The following CRY2 variants were observed in gnomAD, a reference collection of about 807,000 sequenced individuals.
CRY2 encodes cryptochrome-2.
A neutral mutation model predicts 69.5 loss-of-function variants in CRY2; 31 were observed. That is an observed-to-expected ratio of 0.45 (90% CI 0.34 to 0.60). CRY2 has a LOEUF of 0.60. Ranked by LOEUF, CRY2 falls within the 20% of genes least tolerant of loss-of-function variation. The pLI, the probability that CRY2 is intolerant of heterozygous loss-of-function variation, is 0.02. For synonymous variants in CRY2, 303 were observed against 312.2 expected (o/e 0.97, Z 0.31); for missense variants, 606 against 797.8 (o/e 0.76, Z 2.90).
chr11:45,853,897 G>A (rs1234336392), intron 1 of CRY2, among the ~76,000 whole-genome samples: 1 of 152,256 alleles, frequency 6.6e-6, no homozygotes, highest in Non-Finnish European at 1.5e-5. Context: ...GCATAAAGCA[G>A]CATTCAACCT....
At chr11:45,857,074 A>G (rs1179956507) in intron 2 of CRY2, among the ~76,000 whole-genome samples, 1 of 152,186 alleles carries the variant, frequency 6.6e-6, no homozygotes, top group Non-Finnish European at 1.5e-5. Context: ...AGACAAAAGG[A>G]AAAGTCATGT....
At chr11:45,859,348 T>C (rs1376286835) in intron 3 of CRY2, among the ~76,000 whole-genome samples, 1 of 93,484 alleles carries the variant, frequency 1.1e-5, no homozygotes, top group African/African-American at 2.9e-5. Context: ...ATCACATGAG[T>C]CCATGAGTTC....
In CRY2 at chr11:45,860,881, T is replaced by C. The variant is rs1165621816; in HGVS notation, c.501T>C (p.Leu167=). 6.8e-6 allele frequency: 11 copies of C among 1,614,152 alleles called. No homozygotes were observed. In the South Asian group the frequency reaches 1.2e-4, roughly 18 times the overall value. The change falls in exon 4 of 12, where the codon CTT becomes CTC. Residue 167 remains leucine, a synonymous_variant. Coordinates refer to ENST00000616080, the MANE Select transcript of CRY2 (RefSeq NM_021117.5). ...IIELNGQKPP[L]TYKRFQAIIS... ...AGCTGAATGGGCAGAAGCCACCCCT[T>C]ACATACAAGCGCTTTCAGGCCATCA... is the stretch of plus-strand genomic sequence containing the variant.
At chr11:45,868,359 T>C (rs564697385) in intron 6 of CRY2, among the ~76,000 whole-genome samples, 1 of 152,358 alleles carries the variant, frequency 6.6e-6, no homozygotes, top group South Asian at 2.1e-4. Context: ...CTGTTGTTTA[T>C]TTAAGAGACA....
At chr11:45,863,639 G>A (rs1172275888) in intron 5 of CRY2, among the ~76,000 whole-genome samples, 1 of 150,816 alleles carries the variant, frequency 6.6e-6, no homozygotes, top group Non-Finnish European at 1.5e-5. Context: ...GAAGGTATGT[G>A]CCTCTTTTCC....
intron 11 of CRY2, among the ~76,000 whole-genome samples, chr11:45,878,783 G>T (rs2086443603): frequency 6.6e-6 from 1 of 151,432 alleles, no homozygotes; most frequent in African/African-American, 2.4e-5. Flanking sequence ...ATTAGTTGTG[G>T]TGGCAGGTGT....
At chr11:45,871,523 A>G (rs1166628508) in intron 10 of CRY2, among the ~76,000 whole-genome samples, 1 of 152,076 alleles carries the variant, frequency 6.6e-6, no homozygotes, top group Admixed American at 6.5e-5. Context: ...TGCTGGGTGG[A>G]GATTGGACAG....
chr11:45,875,078 G>A (rs1000592868), intron 11 of CRY2, among the ~76,000 whole-genome samples: 1 of 152,232 alleles, frequency 6.6e-6, no homozygotes, highest in Non-Finnish European at 1.5e-5. Flanking sequence ...CATACTTGGA[G>A]AATCACTGAC....
chr11:45,877,751 T>G (rs2086434850), intron 11 of CRY2, among the ~76,000 whole-genome samples: 1 of 152,196 alleles, frequency 6.6e-6, no homozygotes, highest in African/African-American at 2.4e-5. Context: ...AAGACCTCAT[T>G]TGATTTCCCC....
At chr11:45,873,398 C>T (rs1565063855) in intron 11 of CRY2, among the ~76,000 whole-genome samples, 3 of 152,238 alleles carry the variant, frequency 2.0e-5, no homozygotes, top group African/African-American at 7.2e-5. Context: ...ATAGACATTG[C>T]TGATGGACAG....
At chr11:45,865,479 G>A (rs1189653921) in intron 5 of CRY2, among the ~76,000 whole-genome samples, 6 of 152,184 alleles carry the variant, frequency 3.9e-5, no homozygotes, top group Non-Finnish European at 7.3e-5. Context: ...GTGTGTACAC[G>A]CAAAAATACC....
intron 11 of CRY2, among the ~76,000 whole-genome samples, chr11:45,880,228 CCAGA>C (rs1419995876): frequency 2.0e-5 from 3 of 152,106 alleles, no homozygotes; most frequent in Non-Finnish European, 4.4e-5. Context: ...CTGTAGACTC[CCAGA>C]CACACTAAAC....
chr11:45,873,649 A>AGG (rs2086403917), intron 11 of CRY2, among the ~76,000 whole-genome samples: 1 of 152,208 alleles, frequency 6.6e-6, no homozygotes, highest in African/African-American at 2.4e-5. Flanking sequence ...TGGGTGAAGA[A>AGG]GGGGGAGCAT....
chr11:45,865,610 A>T (rs954303931), intron 5 of CRY2, among the ~76,000 whole-genome samples: 1 of 152,196 alleles, frequency 6.6e-6, no homozygotes, highest in African/African-American at 2.4e-5. Context: ...GGAAAGGAAG[A>T]CAGTGGTCCA....
At position 45,869,721 on chromosome 11, in the gene CRY2, G is replaced by A; in HGVS notation, c.1098G>A (p.Leu366=). The part of the protein sequence containing the change: ...FPWIDAIMTQ[L]RQEGWIHHLA... ...GGATTGATGCCATCATGACCCAACT[G>A]AGGCAGGAGGGCTGGATCCACCACC... The change falls in exon 7 of 12, where the codon CTG becomes CTA. Residue 366 remains leucine (L), a synonymous_variant. Transcript: ENST00000616080. The A allele has an allele frequency of 6.2e-7, 1 of 1,614,180 alleles. No homozygotes were observed. Among genetic ancestry groups the A allele is most frequent in the East Asian group, 2.2e-5 (1 of 44,878 alleles).
chr11:45,862,023 T>G, intron 4 of CRY2, 37 bp from the exon 5 acceptor site: 1 of 1,587,628 alleles, frequency 6.3e-7, no homozygotes, highest in Non-Finnish European at 8.6e-7. Flanking sequence ...ACTGAAATGG[T>G]CAAACCTCCT....
In CRY2 at chr11:45,882,297, G is replaced by A; in HGVS notation, c.*1386G>A. On this transcript the variant is annotated 3_prime_UTR_variant, in exon 12 of 12. Transcript: ENST00000616080. Reference sequence around the variant, plus strand: ...GTGTGTGTGCGTGTGTGGTACGTGTGTGTGTGTGTGGCTATGAGGCTGATT... The same window carrying A: ...GTGTGTGTGCGTGTGTGGTACGTGTATGTGTGTGTGGCTATGAGGCTGATT... 1 of 240,764 alleles carries A rather than the reference G, an allele frequency of 4.2e-6. No homozygotes were observed. 14.9% of individuals were successfully genotyped at this position (240,764 alleles called of 1,614,324 possible).
chr11:45,847,391 G>A (rs939758985), upstream of CRY2: 2 of 1,597,266 alleles, frequency 1.3e-6, no homozygotes, highest in Non-Finnish European at 1.7e-6. Flanking sequence ...CGGGGACTAA[G>A]GGTGGAGTTG....
chr11:45,854,033 G>T (rs1395061997), intron 1 of CRY2, among the ~76,000 whole-genome samples: 1 of 152,238 alleles, frequency 6.6e-6, no homozygotes. Context: ...CCGTAGGAGT[G>T]TGTCAAGTTG....
Sources: allele counts gnomAD v4.1 joint callset (sites outside exome capture counted in the v4.1 genomes callset), GRCh38; gene constraint gnomAD v4.1.1; transcripts MANE v1.5; gene names NCBI Gene and HGNC (gene_info 2026-07-23, HGNC 2026-07-21).